The following CAST variants were observed in gnomAD, a reference collection of about 807,000 sequenced individuals.
The protein encoded by CAST is calpastatin.
CAST carries 76 observed loss-of-function variants against 119.6 expected under a neutral mutation model. The ratio of observed to expected loss-of-function variants is 0.64; its 90% CI spans 0.53 to 0.77. The LOEUF is 0.77. CAST is among the 30% of genes least tolerant of loss of function. CAST has a pLI of 0.00. For synonymous variants in CAST, 319 were observed against 331.6 expected (o/e 0.96, Z 0.41); for missense variants, 953 against 946.5 (o/e 1.01, Z -0.09).
At chr5:96,742,607 G>A (rs1434544561) in intron 15 of CAST, 48 bp from the exon 16 acceptor site, 5 of 1,145,424 alleles carry the variant, frequency 4.4e-6, no homozygotes, top group Non-Finnish European at 5.3e-6. Flanking sequence ...GATTGTTCGG[G>A]CTCCAGAGAT....
chr5:96,549,268 T>C (rs1027747497), intron 1 of CAST, among the ~76,000 whole-genome samples: 6 of 152,226 alleles, frequency 3.9e-5, no homozygotes, highest in African/African-American at 1.4e-4. Context: ...ATGTTGGCAT[T>C]TGGCATACAA....
the CAST span, among the ~76,000 whole-genome samples, chr5:95,978,842 C>T: frequency 6.6e-6 from 1 of 152,038 alleles, no homozygotes; most frequent in Admixed American, 6.6e-5. Flanking sequence ...GATACATATG[C>T]TGATGTAGCA....
At chr5:96,021,467 A>T in the CAST span, among the ~76,000 whole-genome samples, 13 of 151,256 alleles carry the variant, frequency 8.6e-5, no homozygotes, top group East Asian at 2.5e-3. Flanking sequence ...TTTTTTTGAG[A>T]TGGAGTCTCG....
At chr5:96,259,373 A>G in the CAST span, among the ~76,000 whole-genome samples, 4 of 152,216 alleles carry the variant, frequency 2.6e-5, no homozygotes, top group African/African-American at 9.6e-5. Context: ...GGGAGGTTTC[A>G]AGGGGACTTG....
chr5:96,114,782 C>T, the CAST span, among the ~76,000 whole-genome samples: 1 of 152,218 alleles, frequency 6.6e-6, no homozygotes, highest in East Asian at 1.9e-4. Flanking sequence ...CCTAAGACCT[C>T]ATCTTTCTAG....
chr5:96,560,038 C>T (rs959334521), intron 1 of CAST, among the ~76,000 whole-genome samples: 21 of 152,108 alleles, frequency 1.4e-4, no homozygotes, highest in African/African-American at 4.8e-4. Flanking sequence ...ATAGAGCCCT[C>T]AGAAATAATG....
upstream of CAST, among the ~76,000 whole-genome samples, chr5:96,657,552 T>G (rs1748181254): frequency 6.6e-6 from 1 of 152,204 alleles, no homozygotes; most frequent in African/African-American, 2.4e-5. Flanking sequence ...TAATAAAAAT[T>G]GATTCCTATG....
At chr5:96,072,166 G>A in the CAST span, among the ~76,000 whole-genome samples, 12 of 152,272 alleles carry the variant, frequency 7.9e-5, no homozygotes, top group Middle Eastern at 3.4e-3. Context: ...AATGGGTGGG[G>A]TATGGAGCAT....
At chr5:96,111,247 T>C in the CAST span, among the ~76,000 whole-genome samples, 2 of 152,222 alleles carry the variant, frequency 1.3e-5, no homozygotes, top group South Asian at 4.1e-4. Flanking sequence ...GTCAGATGAA[T>C]AGGTTCATAG....
Position 96,746,492 on chromosome 5 carries a change from A to G in CAST, c.1284+67A>G, listed in dbSNP as rs997184738. 5.5e-6 allele frequency: 5 copies of G among 910,462 alleles called. No individual in the cohort carries two copies. The African/African-American group carries it at 8.2e-5, about 15-fold the overall frequency. The allele number at this position is 910,462 out of a possible 1,614,324, so 56.4% of individuals were successfully genotyped here. On this transcript the variant is annotated intron_variant, in intron 17 of 31. Coordinates refer to ENST00000675179, the MANE Select transcript of CAST (RefSeq NM_001750.7). Reference sequence around the variant, plus strand: ...TTGCATCTTGTTTTGTTGTATCTGTACCCTTGACATTGTCAAAGGACATGT... The same window carrying G: ...TTGCATCTTGTTTTGTTGTATCTGTGCCCTTGACATTGTCAAAGGACATGT...
chr5:96,719,223 A>G (rs1757763217), intron 3 of CAST, among the ~76,000 whole-genome samples: 1 of 152,128 alleles, frequency 6.6e-6, no homozygotes, highest in Non-Finnish European at 1.5e-5. Flanking sequence ...GGGAGCTCAG[A>G]ACCCTCCCTA....
intron 1 of CAST, among the ~76,000 whole-genome samples, chr5:96,532,632 C>T (rs1745710307): frequency 6.6e-6 from 1 of 152,142 alleles, no homozygotes; most frequent in Non-Finnish European, 1.5e-5. Flanking sequence ...GGCAGATCAC[C>T]TGAGATCAGG....
chr5:96,096,933 T>C, the CAST span, among the ~76,000 whole-genome samples: 1 of 152,200 alleles, frequency 6.6e-6, no homozygotes, highest in African/African-American at 2.4e-5. Flanking sequence ...TGGCAGTCTT[T>C]TGCATTTATT....
At chr5:95,987,751 A>G in the CAST span, among the ~76,000 whole-genome samples, 2 of 152,216 alleles carry the variant, frequency 1.3e-5, no homozygotes, top group Admixed American at 1.3e-4. Flanking sequence ...TAGATACTCA[A>G]TGAATTGTAA....
the CAST span, among the ~76,000 whole-genome samples, chr5:96,149,894 C>G: frequency 6.6e-6 from 1 of 152,196 alleles, no homozygotes; most frequent in South Asian, 2.1e-4. Context: ...GAAGGAATAA[C>G]AAGGTAACTT....
intron 1 of CAST, among the ~76,000 whole-genome samples, chr5:96,587,880 T>C (rs9632442): frequency 0.35 from 53,637 of 152,076 alleles, 9,918 homozygotes; most frequent in East Asian, 0.61. Flanking sequence ...AGAGCTTCTA[T>C]TTTTATTAAC....
At chr5:96,544,918 T>C (rs1745979674) in intron 1 of CAST, among the ~76,000 whole-genome samples, 1 of 151,864 alleles carries the variant, frequency 6.6e-6, no homozygotes, top group East Asian at 1.9e-4. Context: ...TGAAGAGAGA[T>C]ATATTGTAAT....
chr5:96,768,044 G>GTT, intron 29 of CAST, 45 bp downstream of exon 29: 1 of 1,174,422 alleles, frequency 8.5e-7, no homozygotes, highest in Non-Finnish European at 1.3e-6. Context: ...GTGTGTGTGT[G>GTT]TATGTGTACA....
the CAST span, among the ~76,000 whole-genome samples, chr5:96,488,246 G>T: frequency 4.6e-5 from 7 of 152,226 alleles, 1 homozygote; most frequent in African/African-American, 1.7e-4. Flanking sequence ...TTAGAGAATT[G>T]TAGTCCCTTT....
Sources: allele counts gnomAD v4.1 joint callset (sites outside exome capture counted in the v4.1 genomes callset), GRCh38; gene constraint gnomAD v4.1.1; transcripts MANE v1.5; gene names NCBI Gene and HGNC (gene_info 2026-07-23, HGNC 2026-07-21).